PTPRD: variants seen among roughly 807,000 people sequenced by gnomAD.
PTPRD encodes the protein protein tyrosine phosphatase receptor type D.
PTPRD carries 34 observed loss-of-function variants against 214.5 expected under a neutral mutation model. The ratio of observed to expected loss-of-function variants is 0.16; its 90% confidence interval spans 0.12 to 0.21. The LOEUF is 0.21. PTPRD is among the 10% of genes least tolerant of loss of function. PTPRD has a pLI of 1.00. For synonymous variants in PTPRD, 1,128 were observed against 845.7 expected (o/e 1.33, Z -5.79); for missense variants, 2,545 against 2,398.7 (o/e 1.06, Z -1.27).
At chr9:10,011,509 C>T (rs994795012) in intron 4 of PTPRD, among the ~76,000 whole-genome samples, 1 of 151,922 alleles carries the variant, frequency 6.6e-6, no homozygotes, top group African/African-American at 2.4e-5. Context: ...GACTCCTCTA[C>T]TTTATTTAAC....
At chr9:8,358,958 A>G (rs2077654804) in intron 39 of PTPRD, among the ~76,000 whole-genome samples, 1 of 150,484 alleles carries the variant, frequency 6.6e-6, no homozygotes, top group Non-Finnish European at 1.5e-5. Flanking sequence ...ATACAAAAAA[A>G]TTAGCCGGGC....
intron 8 of PTPRD, among the ~76,000 whole-genome samples, chr9:9,501,949 T>C (rs1238242978): frequency 6.6e-6 from 1 of 151,808 alleles, no homozygotes; most frequent in Admixed American, 6.6e-5. Context: ...CTTTAGGAAA[T>C]CTTTTTTTGT....
intron 7 of PTPRD, among the ~76,000 whole-genome samples, chr9:9,623,779 G>C (rs1322117723): frequency 6.6e-6 from 1 of 152,128 alleles, no homozygotes; most frequent in African/African-American, 2.4e-5. Flanking sequence ...ACAATACATT[G>C]ACAGTCAACT....
At chr9:9,033,929 T>C (rs2099613604) in intron 10 of PTPRD, among the ~76,000 whole-genome samples, 1 of 152,094 alleles carries the variant, frequency 6.6e-6, no homozygotes, top group African/African-American at 2.4e-5. Flanking sequence ...GATTAAACAT[T>C]CCTCACTCAG....
chr9:8,533,002 C>A (rs888571740), intron 14 of PTPRD, among the ~76,000 whole-genome samples: 1 of 152,022 alleles, frequency 6.6e-6, no homozygotes, highest in Non-Finnish European at 1.5e-5. Flanking sequence ...AGGAATGAAT[C>A]CATGAGGAAA....
chr9:9,865,405 G>A (rs1423187713), intron 5 of PTPRD, among the ~76,000 whole-genome samples: 1 of 152,160 alleles, frequency 6.6e-6, no homozygotes, highest in African/African-American at 2.4e-5. Flanking sequence ...AGGGACTGGT[G>A]ACTTTATAAG....
At chr9:9,820,135 C>A (rs1445511089) in intron 5 of PTPRD, among the ~76,000 whole-genome samples, 1 of 152,150 alleles carries the variant, frequency 6.6e-6, no homozygotes, top group Admixed American at 6.5e-5. Flanking sequence ...TGAAACCACA[C>A]CTTGCTACCA....
At chr9:10,356,728 G>A (rs1340585823) in intron 2 of PTPRD, among the ~76,000 whole-genome samples, 1 of 150,638 alleles carries the variant, frequency 6.6e-6, no homozygotes, top group Non-Finnish European at 1.5e-5. Context: ...TCGCCACGTT[G>A]TAGTGCAGTG....
At chr9:10,548,132 A>C (rs1237298555) in intron 2 of PTPRD, among the ~76,000 whole-genome samples, 1 of 152,156 alleles carries the variant, frequency 6.6e-6, no homozygotes, top group Admixed American at 6.6e-5. Flanking sequence ...AGGTAAACAA[A>C]ATTTAAATTA....
intron 5 of PTPRD, among the ~76,000 whole-genome samples, chr9:9,822,502 ATATG>A (rs1301685735): frequency 6.7e-6 from 1 of 148,204 alleles, no homozygotes; most frequent in Non-Finnish European, 1.5e-5. Flanking sequence ...CATATAATAT[ATATG>A]TAATATATAC....
chr9:8,336,962 G>A (rs1187598335), intron 43 of PTPRD, among the ~76,000 whole-genome samples: 1 of 152,224 alleles, frequency 6.6e-6, no homozygotes, highest in African/African-American at 2.4e-5. Context: ...ATGCTGGGGA[G>A]GATGTGGAGA....
intron 5 of PTPRD, chr9:9,800,662 C>G (rs1429774366): frequency 6.6e-6 from 1 of 152,170 alleles, no homozygotes; most frequent in African/African-American, 2.4e-5. Context: ...CTTTGTAGCT[C>G]TGTCAGCACA....
intron 9 of PTPRD, among the ~76,000 whole-genome samples, chr9:9,380,283 T>C (rs539843576): frequency 6.6e-6 from 1 of 152,248 alleles, no homozygotes; most frequent in East Asian, 1.9e-4. Context: ...ATTTCATTTA[T>C]TTCAAAATAT....
intron 7 of PTPRD, among the ~76,000 whole-genome samples, chr9:9,609,239 T>C (rs1301153742): frequency 6.6e-6 from 1 of 152,206 alleles, no homozygotes; most frequent in Admixed American, 6.5e-5. Context: ...GTACTTAAAA[T>C]GATGAACCTA....
At chr9:9,538,251 C>T (rs2076905890) in intron 8 of PTPRD, among the ~76,000 whole-genome samples, 1 of 151,906 alleles carries the variant, frequency 6.6e-6, no homozygotes, top group Non-Finnish European at 1.5e-5. Context: ...ACCCTCACTA[C>T]TGTTGATAAA....
chr9:9,458,665 A>G (rs2093331714), intron 8 of PTPRD, among the ~76,000 whole-genome samples: 1 of 152,054 alleles, frequency 6.6e-6, no homozygotes, highest in Non-Finnish European at 1.5e-5. Context: ...AAAATGACCA[A>G]GTAGAGTGGC....
Position 8,833,362 on chromosome 9 carries a change from G to A in PTPRD, c.-103-99416C>T, listed in dbSNP as rs10123978. Among the ~76,000 whole-genome samples the A allele has an allele frequency of 6.3e-3, 961 of 152,104 alleles. 13 individuals carry two copies. The highest frequency in any genetic ancestry group is 0.022 in the African/African-American group (904 of 41,508). The stretch of plus-strand genomic sequence containing the variant: ...AAGCCTGATATATAAAAAGTAACAG[G>A]CAGAGAAATGAGAAAGAATAGAGTC... On this transcript the variant is annotated intron_variant, in intron 11 of 45. Transcript: ENST00000381196.
At chr9:9,548,380 T>C (rs2154279686) in intron 8 of PTPRD, among the ~76,000 whole-genome samples, 1 of 151,614 alleles carries the variant, frequency 6.6e-6, no homozygotes, top group East Asian at 1.9e-4. Context: ...ATTCAATTAC[T>C]TGCTACGTAT....
At chr9:9,719,447 G>T (rs887972697) in intron 7 of PTPRD, among the ~76,000 whole-genome samples, 1 of 152,082 alleles carries the variant, frequency 6.6e-6, no homozygotes, top group Non-Finnish European at 1.5e-5. Flanking sequence ...AACCTTCTGG[G>T]GGCTCAGACC....
Sources: gnomAD v4.1 joint callset for allele counts (sites outside exome capture counted in the v4.1 genomes callset) on GRCh38, gnomAD v4.1.1 for gene constraint, MANE v1.5 for transcripts, NCBI Gene and HGNC (gene_info 2026-07-23, HGNC 2026-07-21) for gene names.